Variants in MRPL47 observed in about 807,000 individuals in gnomAD.
MRPL47 encodes the protein mitochondrial ribosomal protein L47, also known as large ribosomal subunit protein uL29m.
MRPL47 carries 31 observed loss-of-function variants against 34.0 expected under a neutral mutation model. The observed-to-expected ratio is 0.91, with a 90% CI of 0.68 to 1.23. MRPL47 has a LOEUF of 1.23. Among genes scored for constraint, MRPL47 ranks in the 50% most tolerant of loss-of-function variants. MRPL47 has a pLI of 0.00. For missense variants in MRPL47, 328 were observed against 285.8 expected, an observed-to-expected ratio of 1.15 and a Z score of -1.07; for synonymous variants, 106 against 101.6, an observed-to-expected ratio of 1.04 and a Z score of -0.26.
intron 2 of MRPL47, among the ~76,000 whole-genome samples, chr3:179,602,284 C>T (rs1388105581): frequency 6.6e-6 from 1 of 152,096 alleles, no homozygotes; most frequent in East Asian, 1.9e-4. Context: ...GCAGAGGCTG[C>T]GGTGAGCTGA....
chr3:179,596,403 TA>T (rs1278285233), intron 4 of MRPL47, among the ~76,000 whole-genome samples: 2 of 152,222 alleles, frequency 1.3e-5, no homozygotes, highest in East Asian at 3.8e-4. Flanking sequence ...ACACCAGATG[TA>T]TATGAAGTTT....
chr3:179,602,991 C>T (rs528620534), intron 1 of MRPL47, among the ~76,000 whole-genome samples, 194 bp from the exon 2 acceptor site: 10 of 152,044 alleles, frequency 6.6e-5, no homozygotes, highest in Non-Finnish European at 1.0e-4. Flanking sequence ...AGGCTGGTCT[C>T]GAACTCCTGG....
At chr3:179,598,528 G>C in intron 4 of MRPL47, 147 bp downstream of exon 4, 1 of 577,976 alleles carries the variant, frequency 1.7e-6, no homozygotes, top group Non-Finnish European at 3.1e-6. Flanking sequence ...GTTTCCAAAG[G>C]AGCTATGATG....
At chr3:179,597,355 C>T (rs964340399) in intron 4 of MRPL47, among the ~76,000 whole-genome samples, 1 of 152,072 alleles carries the variant, frequency 6.6e-6, no homozygotes, top group Admixed American at 6.6e-5. Flanking sequence ...ATGGCTGCGA[C>T]TGGTGTGAGG....
intron 3 of MRPL47, 40 bp downstream of exon 3, chr3:179,601,690 G>T (rs1560020594): frequency 8.0e-7 from 1 of 1,245,726 alleles, no homozygotes; most frequent in Non-Finnish European, 1.2e-6. Flanking sequence ...CACTATAACG[G>T]CTTCAAACGT....
At chr3:179,602,039 C>A (rs1333597248) in intron 2 of MRPL47, among the ~76,000 whole-genome samples, 1 of 152,170 alleles carries the variant, frequency 6.6e-6, no homozygotes, top group Non-Finnish European at 1.5e-5. Flanking sequence ...ACCCTAATGA[C>A]AAAATACTTT....
At chr3:179,595,692 C>T (rs1217787073) in intron 4 of MRPL47, among the ~76,000 whole-genome samples, 1 of 152,176 alleles carries the variant, frequency 6.6e-6, no homozygotes, top group Non-Finnish European at 1.5e-5. Context: ...AAGTAAATGG[C>T]TACCAAGTCC....
At position 179,592,714 on chromosome 3, in the gene MRPL47, G is replaced by T. The variant is rs780317900; in HGVS notation, c.559C>A (p.Pro187Thr). ...TTGTATCTTTTATTTAGGTGCCAAG[G>T]TATAACCCACTGCTTGAACTTGTGC... ...IWHKFKQWVI[P>T]WHLNKRYNRK... The change falls in exon 6 of 7, where the codon CCT (proline) becomes ACT (threonine). Residue 187 changes from proline to threonine, a missense_variant. Pro to Thr is a conservative substitution (Grantham distance 38, BLOSUM62 -1). Coordinates refer to ENST00000476781, the MANE Select transcript of MRPL47 (RefSeq NM_020409.3). 5 of 1,613,502 alleles carry T rather than the reference G, an allele frequency of 3.1e-6. No individual in the cohort carries two copies. Among genetic ancestry groups the T allele is most frequent in the African/African-American group, 1.3e-5 (1 of 74,850 alleles).
chr3:179,589,425 T>C (rs1718615166), intron 6 of MRPL47, among the ~76,000 whole-genome samples: 1 of 152,228 alleles, frequency 6.6e-6, no homozygotes, highest in South Asian at 2.1e-4. Context: ...CTGGCTAGAC[T>C]TACTATTCTT....
Position 179,593,786 on chromosome 3 carries a change from T to A in MRPL47, c.512A>T (p.Asp171Val). The change falls in exon 5 of 7, where the codon GAC becomes GTC. Residue 171 changes from aspartate (D) to valine (V), a missense_variant. By Grantham distance (152) the Asp-to-Val change is radical. Coordinates refer to ENST00000476781, the MANE Select transcript of MRPL47 (RefSeq NM_020409.3). ...ERARPGAWRR[D>V]IFGRIIWHKF... ...ATACCAGATGATTCTTCCAAAGATG[T>A]CTCTTCTCCAAGCACCAGGTCTAGC... The A allele has an allele frequency of 6.2e-7, 1 of 1,613,658 alleles. No homozygotes were observed. Among genetic ancestry groups the A allele is most frequent in the Non-Finnish European group, 8.5e-7 (1 of 1,179,830 alleles).
At chr3:179,593,963 T>C in intron 4 of MRPL47, 68 bp from the exon 5 acceptor site, 1 of 1,390,754 alleles carries the variant, frequency 7.2e-7, no homozygotes, top group African/African-American at 1.4e-5. Context: ...AAAGAGAATG[T>C]ATAAACACTT....
At chr3:179,594,134 G>A (rs1163843556) in intron 4 of MRPL47, among the ~76,000 whole-genome samples, 2 of 152,126 alleles carry the variant, frequency 1.3e-5, no homozygotes, top group African/African-American at 4.8e-5. Flanking sequence ...ATTTCCATTA[G>A]TTTTGTTTGG....
chr3:179,598,342 T>C (rs995718975), intron 4 of MRPL47, among the ~76,000 whole-genome samples: 1 of 144,776 alleles, frequency 6.9e-6, no homozygotes, highest in Non-Finnish European at 1.5e-5. Context: ...AGCCAAGATA[T>C]CACACCACTG....
At chr3:179,601,942 T>C in intron 2 of MRPL47, 152 bp from the exon 3 acceptor site, 1 of 538,010 alleles carries the variant, frequency 1.9e-6, no homozygotes, top group Non-Finnish European at 3.3e-6. Flanking sequence ...TAATTAGAGA[T>C]AAATTAGGTA....
chr3:179,604,458 C>T (rs1489314891), intron 1 of MRPL47, 69 bp downstream of exon 1: 37 of 1,450,328 alleles, frequency 2.6e-5, no homozygotes, highest in Non-Finnish European at 3.5e-5. Flanking sequence ...CTCGGCATCT[C>T]GGCATCTCGG....
At chr3:179,603,769 T>C (rs1718986686) in intron 1 of MRPL47, among the ~76,000 whole-genome samples, 2 of 152,214 alleles carry the variant, frequency 1.3e-5, no homozygotes, top group African/African-American at 4.8e-5. Context: ...ATCTGGATGA[T>C]AAATTATTAT....
intron 1 of MRPL47, among the ~76,000 whole-genome samples, chr3:179,604,177 C>T (rs1033164820): frequency 1.3e-5 from 2 of 152,210 alleles, no homozygotes; most frequent in African/African-American, 4.8e-5. Flanking sequence ...AAACTTGACA[C>T]AGACTTGAGT....
At chr3:179,598,570 C>T (rs1052103523) in intron 4 of MRPL47, 105 bp downstream of exon 4, 26 of 757,616 alleles carry the variant, frequency 3.4e-5, no homozygotes, top group Middle Eastern at 2.4e-4. Flanking sequence ...AAAAATCAAA[C>T]GAATAAGAAA....
At chr3:179,592,268 C>T (rs1434679579) in intron 6 of MRPL47, among the ~76,000 whole-genome samples, 3 of 152,220 alleles carry the variant, frequency 2.0e-5, no homozygotes, top group African/African-American at 7.2e-5. Flanking sequence ...GATCTCTGCT[C>T]ACTGCAAGCT....
Sources: allele counts gnomAD v4.1 joint callset (sites outside exome capture counted in the v4.1 genomes callset), GRCh38; gene constraint gnomAD v4.1.1; transcripts MANE v1.5; gene names NCBI Gene and HGNC (gene_info 2026-07-23, HGNC 2026-07-21).